PCDH15: variants seen among roughly 807,000 people sequenced by gnomAD.
The protein encoded by PCDH15 is protocadherin-15.
Under a neutral mutation model 178.5 loss-of-function variants are expected in PCDH15, and 129 were observed. The ratio of observed to expected loss-of-function variants is 0.72; its 90% CI spans 0.63 to 0.84. The LOEUF (loss-of-function observed/expected upper bound fraction) is 0.84, where lower values mean the gene tolerates loss of function less well. Among genes scored for constraint, PCDH15 ranks in the 40% least tolerant of loss-of-function variants. The probability of loss-of-function intolerance (pLI) is 0.00; values close to 1 mark genes in which losing one functional copy is unlikely to be tolerated. For missense variants in PCDH15, 2,230 were observed against 2,099.9 expected, an observed-to-expected ratio of 1.06 and a Z score of -1.21; for synonymous variants, 800 against 732.0, an observed-to-expected ratio of 1.09 and a Z score of -1.50.
intron 2 of PCDH15, among the ~76,000 whole-genome samples, chr10:55,434,769 C>T (rs1239908860): frequency 6.6e-6 from 1 of 152,016 alleles, no homozygotes; most frequent in Non-Finnish European, 1.5e-5. Flanking sequence ...CCACACCCGG[C>T]TAATTTTTGT....
chr10:54,683,634 A>C (rs2135695028), intron 1 of PCDH15, among the ~76,000 whole-genome samples: 1 of 152,254 alleles, frequency 6.6e-6, no homozygotes, highest in East Asian at 1.9e-4. Flanking sequence ...ATTGGACAGA[A>C]GCTGAGCATG....
chr10:54,971,912 T>C (rs750708747), intron 2 of PCDH15, among the ~76,000 whole-genome samples: 9 of 152,226 alleles, frequency 5.9e-5, no homozygotes, highest in African/African-American at 2.2e-4. Flanking sequence ...ACACTTTCTA[T>C]ATCTACATTT....
intron 2 of PCDH15, among the ~76,000 whole-genome samples, chr10:55,556,540 TTTA>T: frequency 6.6e-6 from 1 of 152,140 alleles, no homozygotes; most frequent in African/African-American, 2.4e-5. Flanking sequence ...TTAAAAGTTA[TTTA>T]CATTGGGCCA....
chr10:54,936,889 G>T (rs1837920853), intron 2 of PCDH15, among the ~76,000 whole-genome samples: 1 of 151,314 alleles, frequency 6.6e-6, no homozygotes, highest in African/African-American at 2.4e-5. Context: ...TGTTGTTTGT[G>T]CTTTTTGTCA....
intron 11 of PCDH15, among the ~76,000 whole-genome samples, chr10:54,191,537 A>G (rs7079114): frequency 0.44 from 66,225 of 151,822 alleles, 17,262 homozygotes; most frequent in East Asian, 0.94. Flanking sequence ...AACTCAGGCC[A>G]CAAAAATGTT....
At chr10:54,664,071 T>C in intron 2 of PCDH15, 101 bp downstream of exon 2, 1 of 925,178 alleles carries the variant, frequency 1.1e-6, no homozygotes, top group Non-Finnish European at 1.7e-6. Context: ...AACCTTTCAA[T>C]CATAAACTAC....
chr10:55,408,305 C>T (rs1838251117), intron 2 of PCDH15, among the ~76,000 whole-genome samples: 1 of 151,822 alleles, frequency 6.6e-6, no homozygotes. Context: ...TCTGCCTCAG[C>T]TTGCCGAGTA....
At chr10:54,304,249 C>T (rs898031591) in intron 8 of PCDH15, among the ~76,000 whole-genome samples, 3 of 152,004 alleles carry the variant, frequency 2.0e-5, no homozygotes, top group African/African-American at 4.8e-5. Flanking sequence ...GCAAGGAAAT[C>T]GCACTGAAAA....
At chr10:54,097,183 T>C (rs1283993025) in intron 15 of PCDH15, among the ~76,000 whole-genome samples, 1 of 152,194 alleles carries the variant, frequency 6.6e-6, no homozygotes, top group African/African-American at 2.4e-5. Flanking sequence ...TTTGTTAAAT[T>C]TGGTTGATTA....
intron 2 of PCDH15, among the ~76,000 whole-genome samples, chr10:55,406,510 CAGG>C (rs1838200662): frequency 2.6e-5 from 4 of 151,998 alleles, no homozygotes; most frequent in African/African-American, 9.7e-5. Context: ...AAGATGATGC[CAGG>C]GTACTGGGAC....
At chr10:54,661,122 T>G (rs1208623359) in intron 2 of PCDH15, among the ~76,000 whole-genome samples, 1 of 152,086 alleles carries the variant, frequency 6.6e-6, no homozygotes, top group Non-Finnish European at 1.5e-5. Flanking sequence ...TGTTTGCTAA[T>G]GACAATCTTA....
intron 2 of PCDH15, among the ~76,000 whole-genome samples, chr10:54,539,413 T>C (rs751357997): frequency 1.3e-5 from 2 of 152,186 alleles, no homozygotes; most frequent in African/African-American, 2.4e-5. Flanking sequence ...AAGGGTTCAA[T>C]TCAAAGACAA....
chr10:54,776,038 C>T (rs77081986), intron 1 of PCDH15, among the ~76,000 whole-genome samples: 4,919 of 152,194 alleles, frequency 0.032, 237 homozygotes, highest in African/African-American at 0.11. Context: ...CAGTGTTTAA[C>T]TTTTGGTTCT....
At chr10:54,975,919 T>G (rs1273774489) in intron 2 of PCDH15, among the ~76,000 whole-genome samples, 1 of 152,160 alleles carries the variant, frequency 6.6e-6, no homozygotes, top group Non-Finnish European at 1.5e-5. Context: ...CAGTTATGAA[T>G]TTTAGAACGC....
chr10:54,516,603 C>T (rs1266936738), intron 3 of PCDH15, among the ~76,000 whole-genome samples: 9 of 152,068 alleles, frequency 5.9e-5, no homozygotes, highest in Non-Finnish European at 7.4e-5. Context: ...CTGAAAGTGA[C>T]GGGGAGAATG....
chr10:54,839,751 G>C (rs750830774), intron 3 of PCDH15, among the ~76,000 whole-genome samples: 1 of 151,958 alleles, frequency 6.6e-6, no homozygotes, highest in Non-Finnish European at 1.5e-5. Context: ...AGTGAATTTA[G>C]AAAGCAGCAA....
At chr10:54,739,901 T>TA (rs1371544251) in intron 1 of PCDH15, among the ~76,000 whole-genome samples, 30 of 152,022 alleles carry the variant, frequency 2.0e-4, no homozygotes, top group African/African-American at 7.2e-4. Context: ...ATTGCATACT[T>TA]AAACGTAAAA....
intron 2 of PCDH15, among the ~76,000 whole-genome samples, chr10:55,471,594 T>A (rs2132107466): frequency 6.6e-6 from 1 of 152,314 alleles, no homozygotes; most frequent in South Asian, 2.1e-4. Flanking sequence ...ACATTCTGGT[T>A]AAATCCCTGT....
chr10:55,480,096 T>A (rs1212059120), intron 2 of PCDH15, among the ~76,000 whole-genome samples: 1 of 151,598 alleles, frequency 6.6e-6, no homozygotes, highest in Non-Finnish European at 1.5e-5. Flanking sequence ...GGGTAGTATG[T>A]CATTGTAATG....
Sources: allele counts gnomAD v4.1 joint callset (sites outside exome capture counted in the v4.1 genomes callset), GRCh38; gene constraint gnomAD v4.1.1; transcripts MANE v1.5; gene names NCBI Gene and HGNC (gene_info 2026-07-23, HGNC 2026-07-21).